Variants in IFT43 observed in about 807,000 individuals in gnomAD.
IFT43 encodes the protein intraflagellar transport protein 43 homolog.
Under a neutral mutation model 32.3 loss-of-function variants are expected in IFT43, and 33 were observed. That is an observed-to-expected ratio of 1.02 (90% CI 0.77 to 1.37). The LOEUF is 1.37. Among genes scored for constraint, IFT43 ranks in the 40% most tolerant of loss-of-function variants. The pLI is 0.00. For synonymous variants in IFT43, 93 were observed against 98.2 expected, an observed-to-expected ratio of 0.95 and a Z score of 0.31; for missense variants, 274 against 265.9, an observed-to-expected ratio of 1.03 and a Z score of -0.21.
At chr14:76,022,493 A>G (rs1202251341) in intron 3 of IFT43, 99 bp downstream of exon 3, 2 of 724,710 alleles carry the variant, frequency 2.8e-6, no homozygotes, top group Non-Finnish European at 2.5e-6. Flanking sequence ...CTTTATTGAG[A>G]AAAAATTTAT....
intron 3 of IFT43, among the ~76,000 whole-genome samples, chr14:76,028,589 A>G (rs1042153491): frequency 6.6e-6 from 1 of 151,954 alleles, no homozygotes; most frequent in Admixed American, 6.5e-5. Flanking sequence ...ACAGTACCCA[A>G]TAGGAAGCTT....
chr14:75,986,780 G>A (rs1231853864), intron 1 of IFT43, among the ~76,000 whole-genome samples: 1 of 152,210 alleles, frequency 6.6e-6, no homozygotes, highest in Non-Finnish European at 1.5e-5. Flanking sequence ...GGGCCCCAGA[G>A]CAAGTCTTTA....
intron 5 of IFT43, among the ~76,000 whole-genome samples, chr14:76,072,947 A>G (rs932747546): frequency 3.9e-5 from 6 of 152,198 alleles, no homozygotes; most frequent in African/African-American, 1.4e-4. Context: ...ACCTCCACAC[A>G]GTTGTGACAG....
At chr14:76,011,823 G>A (rs1238500386) in intron 2 of IFT43, among the ~76,000 whole-genome samples, 1 of 152,184 alleles carries the variant, frequency 6.6e-6, no homozygotes, top group African/African-American at 2.4e-5. Flanking sequence ...CAGGGTTGAG[G>A]CAGGAGGAAG....
chr14:76,013,160 C>G (rs973882714), intron 2 of IFT43, among the ~76,000 whole-genome samples: 4 of 152,198 alleles, frequency 2.6e-5, no homozygotes, highest in African/African-American at 9.7e-5. Flanking sequence ...AGTGATGGAG[C>G]AGGAGTAAAT....
intron 5 of IFT43, 66 bp downstream of exon 5, chr14:76,059,439 A>G: frequency 1.4e-6 from 2 of 1,476,104 alleles, no homozygotes; most frequent in Non-Finnish European, 1.9e-6. Context: ...CCTGGGCTAC[A>G]GCTAAGGCAC....
chr14:76,022,401 A>T lies in IFT43; in HGVS notation c.215+7A>T. The T allele has an allele frequency of 6.4e-7, 1 of 1,563,762 alleles. No individual in the cohort carries two copies. Among genetic ancestry groups the T allele is most frequent in the Non-Finnish European group, 8.8e-7 (1 of 1,134,264 alleles). The stretch of plus-strand genomic sequence containing the variant: ...ATTCCGTGAAGGCTTCGAAGTGAGT[A>T]CCAGCAGCTCATAAGAGTATGGGTG... On this transcript the variant is annotated splice_region_variant and intron_variant, in intron 3 of 8. Transcript: ENST00000314067.
intron 5 of IFT43, among the ~76,000 whole-genome samples, chr14:76,063,305 A>G (rs1277919515): frequency 2.0e-5 from 3 of 152,230 alleles, no homozygotes; most frequent in Non-Finnish European, 2.9e-5. Flanking sequence ...GTTGTGCTCA[A>G]GTCTGCCCAG....
At chr14:76,037,268 A>C (rs2036617559) in intron 3 of IFT43, among the ~76,000 whole-genome samples, 5 of 152,210 alleles carry the variant, frequency 3.3e-5, no homozygotes, top group African/African-American at 1.2e-4. Context: ...ATTGCCTTGA[A>C]GGCACAGGTA....
At chr14:76,036,244 C>T (rs1307055805) in intron 3 of IFT43, among the ~76,000 whole-genome samples, 1 of 152,060 alleles carries the variant, frequency 6.6e-6, no homozygotes, top group Admixed American at 6.5e-5. Context: ...CTTCCATTGT[C>T]TCAAAAATGT....
Position 76,059,379 on chromosome 14 carries a change from A to G in IFT43, c.295+6A>G, listed in dbSNP as rs745707325. On this transcript the variant is annotated splice_donor_region_variant and intron_variant, in intron 5 of 8. Coordinates refer to ENST00000314067, the MANE Select transcript of IFT43 (RefSeq NM_001102564.3). The stretch of plus-strand genomic sequence containing the variant: ...TGGATCAGATTATGGAGGAGGTAAG[A>G]GGCCCTTGGAGGAAGTCAAAAGGTC... 2 of 1,613,714 alleles carry G rather than the reference A, an allele frequency of 1.2e-6. No individual in the cohort carries two copies. The highest frequency in any genetic ancestry group is 1.7e-6 in the Non-Finnish European group (2 of 1,179,740).
chr14:76,071,841 G>A lies in IFT43; in HGVS notation c.296-10454G>A, dbSNP rs12885317. On this transcript the variant is annotated intron_variant, in intron 5 of 8. Coordinates refer to ENST00000314067, the MANE Select transcript of IFT43 (RefSeq NM_001102564.3). The stretch of plus-strand genomic sequence containing the variant: ...GCGAGTGGCTCTTTGGGGCTGGTGC[G>A]AGCTGCTCCAGCACACCACAGCTGG... Among the ~76,000 whole-genome samples, 1,025 of 152,092 alleles carry A rather than the reference G, an allele frequency of 6.7e-3. 9 individuals carry two copies. The highest frequency in any genetic ancestry group is 0.02 in the South Asian group (96 of 4,824).
intron 3 of IFT43, among the ~76,000 whole-genome samples, chr14:76,057,548 A>G (rs1195724757): frequency 5.4e-5 from 3 of 55,676 alleles, no homozygotes; most frequent in Non-Finnish European, 1.1e-4. Flanking sequence ...TTATTTTTTA[A>G]TTGACAAAAA....
At chr14:76,082,047 A>G (rs190662338) in intron 5 of IFT43, among the ~76,000 whole-genome samples, 7 of 152,318 alleles carry the variant, frequency 4.6e-5, no homozygotes, top group South Asian at 2.1e-4. Context: ...AACGCCTGGG[A>G]AAAAAATCTG....
At chr14:75,999,279 ATATT>A (rs1566699792) in intron 2 of IFT43, among the ~76,000 whole-genome samples, 15 of 20,676 alleles carry the variant, frequency 7.3e-4, no homozygotes, top group South Asian at 3.6e-3. Context: ...ATATGTATAT[ATATT>A]TTTTTTTTTT....
chr14:75,995,046 C>T (rs978491781), intron 2 of IFT43, among the ~76,000 whole-genome samples: 1 of 152,188 alleles, frequency 6.6e-6, no homozygotes, highest in Non-Finnish European at 1.5e-5. Context: ...ATCATCATAG[C>T]TTACATTGCA....
chr14:75,988,795 G>A (rs2035580307), intron 1 of IFT43, 90 bp from the exon 2 acceptor site: 1 of 1,600,884 alleles, frequency 6.2e-7, no homozygotes, highest in Non-Finnish European at 8.5e-7. Flanking sequence ...TGGGATTGCA[G>A]CTGTGAGCCA....
At chr14:76,062,791 C>T (rs572849464) in intron 5 of IFT43, among the ~76,000 whole-genome samples, 1 of 151,748 alleles carries the variant, frequency 6.6e-6, no homozygotes, top group East Asian at 1.9e-4. Flanking sequence ...GTGGCGGGCA[C>T]CTGTAATCCC....
chr14:76,010,186 C>T (rs1356026871), intron 2 of IFT43, among the ~76,000 whole-genome samples: 1 of 152,156 alleles, frequency 6.6e-6, no homozygotes, highest in Non-Finnish European at 1.5e-5. Flanking sequence ...GGCAGGGAGG[C>T]ACTTTTATCT....
Sources: allele counts gnomAD v4.1 joint callset (sites outside exome capture counted in the v4.1 genomes callset), GRCh38; gene constraint gnomAD v4.1.1; transcripts MANE v1.5; gene names NCBI Gene and HGNC (gene_info 2026-07-23, HGNC 2026-07-21).